The following RBM20 variants were observed in gnomAD, a reference collection of about 807,000 sequenced individuals.
RBM20 encodes RNA-binding protein 20.
Under a neutral mutation model 110.1 loss-of-function variants are expected in RBM20, and 51 were observed. The ratio of observed to expected loss-of-function variants is 0.46; its 90% confidence interval spans 0.37 to 0.59. RBM20 has a LOEUF of 0.59. RBM20 is among the 20% of genes least tolerant of loss of function. The pLI is 0.00. For synonymous variants in RBM20, 589 were observed against 618.2 expected (o/e 0.95, Z 0.70); for missense variants, 1,512 against 1,574.9 (o/e 0.96, Z 0.68).
At chr10:110,696,548 A>G (rs17127814) in intron 1 of RBM20, among the ~76,000 whole-genome samples, 27,290 of 152,088 alleles carry the variant, frequency 0.18, 2,663 homozygotes, top group East Asian at 0.32. Context: ...AGGGTGGCAG[A>G]CCTTGGAAGT....
chr10:110,671,471 A>G (rs546818126), intron 1 of RBM20, among the ~76,000 whole-genome samples: 1 of 152,350 alleles, frequency 6.6e-6, no homozygotes, highest in African/African-American at 2.4e-5. Flanking sequence ...CCAGCTTTGA[A>G]TTCCAGCTTG....
At position 110,797,609 on chromosome 10, in the gene RBM20, A is replaced by G. The variant is rs1405809085; in HGVS notation, c.1629A>G (p.Gly543=). Residue 543 remains glycine, a synonymous_variant, in exon 6 of 14, where the codon GGA becomes GGG. Coordinates refer to ENST00000369519, the MANE Select transcript of RBM20 (RefSeq NM_001134363.3). ...NDVINLGLPF[G]KVTNYILMKS... is the part of the protein sequence containing the mutation. ...TCATTAACCTGGGGCTGCCCTTTGG[A>G]AAGGTCACTAATTACATCCTCATGA... 6.4e-7 allele frequency: 1 copy of G among 1,551,808 alleles called. No individual in the cohort carries two copies. The highest frequency in any genetic ancestry group is 2.4e-5 in the East Asian group (1 of 40,920).
intron 1 of RBM20, among the ~76,000 whole-genome samples, chr10:110,712,794 C>T (rs938396327): frequency 6.6e-6 from 1 of 152,116 alleles, no homozygotes; most frequent in Non-Finnish European, 1.5e-5. Flanking sequence ...ATCTAGAGAC[C>T]CCAATAATTA....
At chr10:110,699,065 GC>G in intron 1 of RBM20, among the ~76,000 whole-genome samples, 1 of 152,244 alleles carries the variant, frequency 6.6e-6, no homozygotes, top group South Asian at 2.1e-4. Context: ...GCTTTGGCCA[GC>G]CAAGTCATGC....
intron 1 of RBM20, among the ~76,000 whole-genome samples, chr10:110,693,882 A>G (rs542721537): frequency 7.9e-5 from 12 of 152,306 alleles, no homozygotes; most frequent in African/African-American, 2.9e-4. Context: ...TTGACTCACA[A>G]TTATCCTCAC....
rs1371585451 is a variant in RBM20 at position 110,781,573 on chromosome 10, C to G, written c.964C>G (p.Pro322Ala). ...LQGTNSQWES[P>A]HGFSGQSKPD... ...GGGCACAAACAGCCAATGGGAGAGCCCCCATGGATTCTCGGGCCAAAGCAA... is the reference window on the plus strand; with the variant it reads ...GGGCACAAACAGCCAATGGGAGAGCGCCCATGGATTCTCGGGCCAAAGCAA... Residue 322 changes from proline (P) to alanine (A), a missense_variant, in exon 2 of 14, where the codon CCC becomes GCC. By Grantham distance (27) the Pro-to-Ala change is conservative. Coordinates refer to ENST00000369519, the MANE Select transcript of RBM20 (RefSeq NM_001134363.3). 2 of 1,551,694 alleles carry G rather than the reference C, an allele frequency of 1.3e-6. No homozygotes were observed. The highest frequency in any genetic ancestry group is 2.4e-5 in the South Asian group (2 of 84,056).
chr10:110,789,166 G>A (rs1844454677), intron 5 of RBM20, among the ~76,000 whole-genome samples: 1 of 152,206 alleles, frequency 6.6e-6, no homozygotes, highest in Non-Finnish European at 1.5e-5. Context: ...AATGTCTGTG[G>A]AGCGAAGAGC....
At chr10:110,686,154 A>G (rs2134868001) in intron 1 of RBM20, among the ~76,000 whole-genome samples, 1 of 152,312 alleles carries the variant, frequency 6.6e-6, no homozygotes, top group South Asian at 2.1e-4. Flanking sequence ...TGAGGGCCCA[A>G]GGTACAGCGC....
intron 1 of RBM20, among the ~76,000 whole-genome samples, chr10:110,655,914 T>TTC (rs1862020163): frequency 6.6e-6 from 1 of 151,928 alleles, no homozygotes. Flanking sequence ...CTTTTTTTTT[T>TTC]CAATTTTAAG....
chr10:110,811,543 G>A (rs1358413070), intron 8 of RBM20, among the ~76,000 whole-genome samples: 1 of 152,216 alleles, frequency 6.6e-6, no homozygotes, highest in Non-Finnish European at 1.5e-5. Flanking sequence ...TTCTGCGGCA[G>A]AGTGGAGGGG....
intron 7 of RBM20, among the ~76,000 whole-genome samples, chr10:110,801,442 A>C (rs1844622467): frequency 6.7e-6 from 1 of 150,132 alleles, no homozygotes; most frequent in South Asian, 2.1e-4. Flanking sequence ...AAAAAAAAAA[A>C]GTTTTCAATG....
intron 1 of RBM20, among the ~76,000 whole-genome samples, chr10:110,680,670 G>T (rs1862410066): frequency 6.6e-6 from 1 of 152,196 alleles, no homozygotes; most frequent in Non-Finnish European, 1.5e-5. Flanking sequence ...TGGGGGCGGG[G>T]AGGGTGCACG....
At chr10:110,759,154 G>C (rs910844738) in intron 1 of RBM20, among the ~76,000 whole-genome samples, 6 of 152,178 alleles carry the variant, frequency 3.9e-5, no homozygotes, top group African/African-American at 1.4e-4. Flanking sequence ...TAGCCTTTTC[G>C]GCGCTGAGCT....
At chr10:110,775,591 C>T (rs1844250907) in intron 1 of RBM20, among the ~76,000 whole-genome samples, 1 of 152,184 alleles carries the variant, frequency 6.6e-6, no homozygotes, top group Admixed American at 6.5e-5. Context: ...CCTGCTGCCT[C>T]CTCTCTCAGC....
rs760317651 is a variant in RBM20 at position 110,752,920 on chromosome 10, C to CAT, written c.192-27856_192-27855dup. Reference sequence around the variant, plus strand: ...AATACATATATATTATATATTTATACATATATATATATATATATATATATA... The same window carrying CAT: ...AATACATATATATTATATATTTATACATATATATATATATATATATATATATA... On this transcript the variant is annotated intron_variant, in intron 1 of 13. Coordinates refer to ENST00000369519, the MANE Select transcript of RBM20 (RefSeq NM_001134363.3). 3.8e-3 allele frequency among the ~76,000 whole-genome samples: 478 copies of CAT among 125,150 alleles called. 3 individuals are homozygous for CAT. The highest frequency in any genetic ancestry group is 0.011 in the African/African-American group (351 of 31,344). The allele number at this position is 125,150 out of a possible 152,430, so 82.1% of individuals were successfully genotyped here. A position where few individuals can be genotyped will look rare whatever the true frequency, so the allele number is the denominator to read the frequency against.
chr10:110,685,908 C>T (rs571489668), intron 1 of RBM20, among the ~76,000 whole-genome samples: 2 of 152,244 alleles, frequency 1.3e-5, no homozygotes, highest in Non-Finnish European at 2.9e-5. Context: ...AGCACAGTGA[C>T]GCAGGCTGAC....
In RBM20 at chr10:110,812,528, C is replaced by T. The variant is rs750763255; in HGVS notation, c.2131C>T (p.Arg711Cys). 17 of 1,551,600 alleles carry T rather than the reference C, an allele frequency of 1.1e-5. No homozygotes were observed. The highest frequency in any genetic ancestry group is 2.4e-5 in the East Asian group (1 of 40,942). Residue 711 changes from arginine (R) to cysteine (C), a missense_variant, in exon 9 of 14, where the codon CGC becomes TGC. Physicochemically the swap from Arg to Cys is radical, Grantham distance 180. Transcript: ENST00000369519. ...RDRMDPWAHDRKHHPRQLDKA... is the reference protein window; with the variant it reads ...RDRMDPWAHDCKHHPRQLDKA... Reference sequence around the variant, plus strand: ...CAGGATGGACCCCTGGGCACATGATCGCAAACACCACCCCCGGCAACTGGA... The same window carrying T: ...CAGGATGGACCCCTGGGCACATGATTGCAAACACCACCCCCGGCAACTGGA...
intron 1 of RBM20, among the ~76,000 whole-genome samples, chr10:110,738,232 T>C (rs1406291083): frequency 1.3e-5 from 2 of 151,922 alleles, no homozygotes; most frequent in Non-Finnish European, 2.9e-5. Flanking sequence ...AGAGAGAGAG[T>C]TGGCGGCCCT....
intron 7 of RBM20, among the ~76,000 whole-genome samples, 159 bp downstream of exon 7, chr10:110,800,077 A>G (rs756855418): frequency 1.3e-5 from 2 of 152,222 alleles, no homozygotes; most frequent in Admixed American, 1.3e-4. Context: ...CCATTGCAGC[A>G]TGGCAAGAAA....
Sources: allele counts gnomAD v4.1 joint callset (sites outside exome capture counted in the v4.1 genomes callset), GRCh38; gene constraint gnomAD v4.1.1; transcripts MANE v1.5; gene names NCBI Gene and HGNC (gene_info 2026-07-23, HGNC 2026-07-21).